Variants in SNTG1 observed in about 807,000 individuals in gnomAD.
The protein encoded by SNTG1 is gamma-1-syntrophin.
SNTG1 carries 39 observed loss-of-function variants against 74.7 expected under a neutral mutation model. The observed-to-expected ratio is 0.52, with a 90% CI of 0.40 to 0.68. The LOEUF (loss-of-function observed/expected upper bound fraction) is 0.68, where lower values mean the gene tolerates loss of function less well. Among genes scored for constraint, SNTG1 ranks in the 30% least tolerant of loss-of-function variants. The pLI, the probability that SNTG1 is intolerant of heterozygous loss-of-function variation, is 0.00. For synonymous variants in SNTG1, 254 were observed against 217.1 expected, an observed-to-expected ratio of 1.17 and a Z score of -1.49; for missense variants, 685 against 609.5, an observed-to-expected ratio of 1.12 and a Z score of -1.30.
chr8:50,585,845 A>G (rs1014752348), intron 12 of SNTG1, among the ~76,000 whole-genome samples: 1 of 152,090 alleles, frequency 6.6e-6, no homozygotes, highest in African/African-American at 2.4e-5. Flanking sequence ...GTTATAATTA[A>G]AAAGTAAGTA....
intron 13 of SNTG1, among the ~76,000 whole-genome samples, chr8:50,625,854 A>G (rs977997260): frequency 1.3e-4 from 20 of 152,360 alleles, no homozygotes; most frequent in Non-Finnish European, 2.6e-4. Flanking sequence ...ATATGTAGAT[A>G]TGATACAGGC....
chr8:50,534,607 C>G (rs2094294335), intron 10 of SNTG1, among the ~76,000 whole-genome samples: 1 of 152,020 alleles, frequency 6.6e-6, no homozygotes, highest in Non-Finnish European at 1.5e-5. Context: ...ATGGTGAAAC[C>G]CCTTCTCTAC....
intron 1 of SNTG1, among the ~76,000 whole-genome samples, chr8:50,091,183 A>C (rs1304966622): frequency 6.6e-6 from 1 of 152,112 alleles, no homozygotes; most frequent in Non-Finnish European, 1.5e-5. Context: ...TTTATATTTA[A>C]GGTGTAAAGC....
chr8:50,285,439 C>CACTTAAGACCGT (rs1327855312), intron 2 of SNTG1, among the ~76,000 whole-genome samples: 5 of 152,026 alleles, frequency 3.3e-5, no homozygotes, highest in Non-Finnish European at 7.4e-5. Context: ...GAGTGAGACA[C>CACTTAAGACCGT]GGTCTTAAGA....
At chr8:50,047,664 A>G (rs1029840390) in intron 1 of SNTG1, among the ~76,000 whole-genome samples, 7 of 152,188 alleles carry the variant, frequency 4.6e-5, no homozygotes, top group African/African-American at 1.7e-4. Flanking sequence ...AAGTATATGT[A>G]ATAGGATAAA....
At chr8:50,747,508 A>C (rs1288288958) in intron 17 of SNTG1, among the ~76,000 whole-genome samples, 1 of 151,970 alleles carries the variant, frequency 6.6e-6, no homozygotes, top group Non-Finnish European at 1.5e-5. Context: ...TATAAAGTAA[A>C]CTGGGTACTA....
At chr8:50,316,049 T>A (rs570027600) in intron 2 of SNTG1, among the ~76,000 whole-genome samples, 199 of 152,294 alleles carry the variant, frequency 1.3e-3, no homozygotes, top group Non-Finnish European at 2.1e-3. Flanking sequence ...TTCTACTTTT[T>A]TCTACAGACA....
At chr8:50,500,824 G>A (rs990994438) in intron 8 of SNTG1, among the ~76,000 whole-genome samples, 1 of 152,122 alleles carries the variant, frequency 6.6e-6, no homozygotes, top group African/African-American at 2.4e-5. Context: ...TGAAGGGATG[G>A]AAAAAGCTTT....
intron 2 of SNTG1, among the ~76,000 whole-genome samples, chr8:50,263,456 G>A (rs4592048): frequency 0.56 from 85,710 of 151,878 alleles, 27,924 homozygotes; most frequent in East Asian, 0.83. Flanking sequence ...AATTGAAATG[G>A]AAAGTGTCTC....
At chr8:50,511,262 T>C (rs2094071145) in intron 9 of SNTG1, among the ~76,000 whole-genome samples, 1 of 152,240 alleles carries the variant, frequency 6.6e-6, no homozygotes, top group African/African-American at 2.4e-5. Context: ...CTAGTTTGAT[T>C]GCACTGTGGT....
intron 4 of SNTG1, among the ~76,000 whole-genome samples, chr8:50,433,808 G>T (rs2093270221): frequency 6.6e-6 from 1 of 152,106 alleles, no homozygotes; most frequent in African/African-American, 2.4e-5. Flanking sequence ...AAAACTTGGA[G>T]GAAAAAAGTC....
intron 5 of SNTG1, among the ~76,000 whole-genome samples, chr8:50,440,531 A>T (rs2093348833): frequency 6.6e-6 from 1 of 152,200 alleles, no homozygotes; most frequent in Admixed American, 6.5e-5. Context: ...AAAAAAATGT[A>T]TAAACTTTTT....
intron 12 of SNTG1, among the ~76,000 whole-genome samples, chr8:50,564,428 C>T (rs1289367744): frequency 6.6e-6 from 1 of 152,008 alleles, no homozygotes; most frequent in East Asian, 1.9e-4. Context: ...TGATATTGCA[C>T]CTCATGGTGG....
In SNTG1 at chr8:50,463,516, C is replaced by T. The variant is rs539715933; in HGVS notation, c.363+12787C>T. ...TTACATCTCCATTAGGGCTCTTGGG[C>T]GAGCAGGTGAATTGTCAGTGAGCAG... On this transcript the variant is annotated intron_variant, in intron 8 of 18. Transcript: ENST00000642720. 2.6e-5 allele frequency among the ~76,000 whole-genome samples: 4 copies of T among 152,226 alleles called. No individual in the cohort carries two copies. The East Asian group carries it at 5.8e-4, about 22-fold the overall frequency.
At chr8:50,552,693 G>A (rs558614056) in intron 11 of SNTG1, among the ~76,000 whole-genome samples, 12 of 152,102 alleles carry the variant, frequency 7.9e-5, no homozygotes, top group African/African-American at 2.9e-4. Context: ...AGGAGACAAT[G>A]GTAGCCAAAA....
chr8:50,533,914 G>T (rs1332638143), intron 10 of SNTG1, among the ~76,000 whole-genome samples: 1 of 152,100 alleles, frequency 6.6e-6, no homozygotes, highest in Non-Finnish European at 1.5e-5. Flanking sequence ...TCATGTATTG[G>T]TGATTAGTCA....
At chr8:50,275,961 A>T (rs2088075908) in intron 2 of SNTG1, among the ~76,000 whole-genome samples, 1 of 152,230 alleles carries the variant, frequency 6.6e-6, no homozygotes, top group African/African-American at 2.4e-5. Context: ...TGCTGAAATC[A>T]GAAGTCCTCC....
At chr8:50,458,964 TG>T (rs1431394557) in intron 8 of SNTG1, among the ~76,000 whole-genome samples, 1 of 152,198 alleles carries the variant, frequency 6.6e-6, no homozygotes, top group Non-Finnish European at 1.5e-5. Context: ...GTTGTGCTTT[TG>T]GTGTCTTAGT....
chr8:50,140,540 CTG>C (rs1255265792), intron 1 of SNTG1, among the ~76,000 whole-genome samples: 1 of 151,830 alleles, frequency 6.6e-6, no homozygotes, highest in African/African-American at 2.4e-5. Flanking sequence ...GTGTTAGAAA[CTG>C]TGTATGAGAA....
Sources: gnomAD v4.1 joint callset for allele counts (sites outside exome capture counted in the v4.1 genomes callset) on GRCh38, gnomAD v4.1.1 for gene constraint, MANE v1.5 for transcripts, NCBI Gene and HGNC (gene_info 2026-07-23, HGNC 2026-07-21) for gene names.